RFX3: variants seen among roughly 807,000 people sequenced by gnomAD.
RFX3 encodes regulatory factor X3.
A neutral mutation model predicts 98.6 loss-of-function variants in RFX3; 14 were observed. The observed-to-expected ratio is 0.14, with a 90% CI of 0.09 to 0.22. RFX3 has a LOEUF of 0.22. Ranked by LOEUF, RFX3 falls within the 10% of genes least tolerant of loss-of-function variation. The pLI is 1.00. For synonymous variants in RFX3, 383 were observed against 328.4 expected (o/e 1.17, Z -1.80); for missense variants, 639 against 926.9 (o/e 0.69, Z 4.03).
chr9:3,484,373 A>G (rs10115578), intron 1 of RFX3, among the ~76,000 whole-genome samples: 21,611 of 152,206 alleles, frequency 0.14, 2,655 homozygotes, highest in East Asian at 0.57. Flanking sequence ...ATGAAATACA[A>G]GACAATGCAA....
chr9:3,339,183 C>T (rs917264989), intron 3 of RFX3, among the ~76,000 whole-genome samples: 4 of 151,706 alleles, frequency 2.6e-5, no homozygotes, highest in African/African-American at 9.7e-5. Context: ...ATTCTGTGGC[C>T]GTTGCTCATG....
intron 1 of RFX3, among the ~76,000 whole-genome samples, chr9:3,432,046 G>A (rs1384521474): frequency 6.6e-6 from 1 of 152,126 alleles, no homozygotes; most frequent in Non-Finnish European, 1.5e-5. Context: ...GAAGAAGAAA[G>A]ATAAACACCA....
At chr9:3,350,900 C>T (rs999067262) in intron 2 of RFX3, among the ~76,000 whole-genome samples, 2 of 151,482 alleles carry the variant, frequency 1.3e-5, no homozygotes, top group East Asian at 1.9e-4. Flanking sequence ...GTCAAATGAC[C>T]GAGACAGTAA....
intron 7 of RFX3, among the ~76,000 whole-genome samples, chr9:3,280,697 G>T (rs1191941923): frequency 6.6e-6 from 1 of 151,684 alleles, no homozygotes; most frequent in Non-Finnish European, 1.5e-5. Context: ...CAATATCTAG[G>T]TAGTTTTTCA....
intron 1 of RFX3, among the ~76,000 whole-genome samples, chr9:3,425,799 G>A (rs1442175116): frequency 6.6e-6 from 1 of 152,034 alleles, no homozygotes; most frequent in South Asian, 2.1e-4. Context: ...ATGAGGTATT[G>A]TACCTTAGGT....
At chr9:3,292,100 A>AAAAAAAAAAAAAAC (rs1827457239) in intron 6 of RFX3, among the ~76,000 whole-genome samples, 1 of 120,216 alleles carries the variant, frequency 8.3e-6, no homozygotes, top group African/African-American at 3.1e-5. Context: ...AAAAAAAAAA[A>AAAAAAAAAAAAAAC]CTCTTTACGA....
intron 1 of RFX3, among the ~76,000 whole-genome samples, chr9:3,509,036 C>T (rs1455633959): frequency 6.6e-6 from 1 of 151,568 alleles, no homozygotes; most frequent in African/African-American, 2.4e-5. Context: ...TTGGTAATTA[C>T]AATTCCTGCC....
At chr9:3,323,230 T>A (rs1053510370) in intron 4 of RFX3, among the ~76,000 whole-genome samples, 2 of 152,198 alleles carry the variant, frequency 1.3e-5, no homozygotes, top group Admixed American at 6.5e-5. Flanking sequence ...AAATTCTTTC[T>A]CAGAGAACTG....
At chr9:3,261,601 T>C (rs651472) in intron 13 of RFX3, among the ~76,000 whole-genome samples, 149,928 of 152,252 alleles carry the variant, frequency 0.98, 73,860 homozygotes, top group Middle Eastern at 1. Context: ...AATAGTGCTG[T>C]TATGAACCTC....
intron 4 of RFX3, among the ~76,000 whole-genome samples, chr9:3,306,204 A>G (rs1158033603): frequency 2.0e-5 from 3 of 152,094 alleles, no homozygotes; most frequent in Non-Finnish European, 4.4e-5. Flanking sequence ...ATATTCTCAT[A>G]TATCATCTGA....
At chr9:3,283,770 C>A (rs532314043) in intron 7 of RFX3, among the ~76,000 whole-genome samples, 9 of 151,836 alleles carry the variant, frequency 5.9e-5, no homozygotes, top group African/African-American at 1.2e-4. Context: ...TGCAAAGAGG[C>A]AGGAGGTGGC....
intron 4 of RFX3, among the ~76,000 whole-genome samples, chr9:3,326,974 G>A (rs1216679170): frequency 6.6e-6 from 1 of 152,088 alleles, no homozygotes; most frequent in Non-Finnish European, 1.5e-5. Flanking sequence ...TGCACAGTAG[G>A]CTGCATCAGT....
intron 16 of RFX3, among the ~76,000 whole-genome samples, chr9:3,228,033 G>A (rs998581342): frequency 5.9e-5 from 9 of 152,072 alleles, no homozygotes; most frequent in African/African-American, 1.2e-4. Flanking sequence ...GTCAATAACC[G>A]TAACAATTCT....
At chr9:3,505,787 C>T (rs1235713877) in intron 1 of RFX3, among the ~76,000 whole-genome samples, 1 of 149,424 alleles carries the variant, frequency 6.7e-6, no homozygotes, top group East Asian at 2.0e-4. Context: ...ACTCTCTACC[C>T]CCCTGCTTCT....
intron 4 of RFX3, among the ~76,000 whole-genome samples, chr9:3,311,132 A>G (rs923440499): frequency 6.6e-6 from 1 of 152,260 alleles, no homozygotes; most frequent in Non-Finnish European, 1.5e-5. Flanking sequence ...TCAGAGACAT[A>G]GCATTTCTGT....
chr9:3,276,429 A>G (rs1376748276), intron 8 of RFX3, among the ~76,000 whole-genome samples: 1 of 152,088 alleles, frequency 6.6e-6, no homozygotes, highest in African/African-American at 2.4e-5. Flanking sequence ...ATGGAAACTA[A>G]AATTGCAGAA....
intron 1 of RFX3, among the ~76,000 whole-genome samples, chr9:3,482,211 C>A (rs546506364): frequency 6.6e-6 from 1 of 150,620 alleles, no homozygotes; most frequent in African/African-American, 2.4e-5. Context: ...AAAAGATGTT[C>A]AAAATATGAG....
intron 1 of RFX3, chr9:3,490,328 C>T: frequency 1.0e-6 from 1 of 983,738 alleles, no homozygotes; most frequent in Non-Finnish European, 1.2e-6. Context: ...CCATAAAATG[C>T]CAGAATGACC....
intron 1 of RFX3, among the ~76,000 whole-genome samples, chr9:3,476,679 A>G (rs542537147): frequency 6.6e-6 from 1 of 152,362 alleles, no homozygotes; most frequent in East Asian, 1.9e-4. Flanking sequence ...AAGCCCATCA[A>G]TACAACTTTA....
Sources: allele counts gnomAD v4.1 joint callset (sites outside exome capture counted in the v4.1 genomes callset), GRCh38; gene constraint gnomAD v4.1.1; transcripts MANE v1.5; gene names NCBI Gene and HGNC (gene_info 2026-07-23, HGNC 2026-07-21).